Variants in KTN1 observed in about 807,000 individuals in gnomAD.
KTN1 encodes kinectin 1.
Under a neutral mutation model 222.5 loss-of-function variants are expected in KTN1, and 130 were observed. That is an observed-to-expected ratio of 0.58 (90% CI 0.51 to 0.68). KTN1 has a LOEUF of 0.68. Ranked by LOEUF, KTN1 falls within the 30% of genes least tolerant of loss-of-function variation. The pLI is 0.00. For synonymous variants in KTN1, 512 were observed against 496.3 expected, an observed-to-expected ratio of 1.03 and a Z score of -0.42; for missense variants, 1,508 against 1,500.4, an observed-to-expected ratio of 1.01 and a Z score of -0.08.
intron 5 of KTN1, among the ~76,000 whole-genome samples, chr14:55,626,647 T>A (rs2039866315): frequency 6.6e-6 from 1 of 152,222 alleles, no homozygotes; most frequent in South Asian, 2.1e-4. Context: ...GGTGTTTTTC[T>A]TGGATCATCT....
intron 1 of KTN1, among the ~76,000 whole-genome samples, chr14:55,591,581 C>CTTTTTTTTTT (rs71131297): frequency 2.3e-5 from 2 of 87,680 alleles, no homozygotes; most frequent in African/African-American, 8.9e-5. Flanking sequence ...TTCTCTCTTT[C>CTTTTTTTTTT]TTTTTTTTTT....
At chr14:55,651,398 T>A in intron 24 of KTN1, 1 of 454,142 alleles carries the variant, frequency 2.2e-6, no homozygotes, top group African/African-American at 2.0e-5. Context: ...TGTGTATGAT[T>A]AAGAAAAAAT....
intron 1 of KTN1, among the ~76,000 whole-genome samples, chr14:55,611,735 G>A (rs967511932): frequency 1.3e-5 from 2 of 152,098 alleles, no homozygotes; most frequent in Admixed American, 6.5e-5. Context: ...AGAAAGTAAT[G>A]AATATTTAAA....
intron 43 of KTN1, chr14:55,679,904 A>T: frequency 1.9e-6 from 1 of 516,536 alleles, no homozygotes. Flanking sequence ...GCCTCCTTTG[A>T]CCTTTGTATC....
chr14:55,630,205 A>C, intron 7 of KTN1, 108 bp downstream of exon 7: 1 of 978,458 alleles, frequency 1.0e-6, no homozygotes, highest in Non-Finnish European at 1.6e-6. Flanking sequence ...ATCAACATAC[A>C]GTGGCTAGTG....
chr14:55,680,840 T>C, intron 43 of KTN1: 1 of 576,434 alleles, frequency 1.7e-6, no homozygotes, highest in Non-Finnish European at 3.0e-6. Context: ...CTTTTATCCT[T>C]GGTAAGCTGA....
At chr14:55,661,657 T>G (rs374765892) in intron 32 of KTN1, 45 bp downstream of exon 32, 1 of 1,002,760 alleles carries the variant, frequency 1.0e-6, no homozygotes, top group African/African-American at 1.6e-5. Flanking sequence ...TTTATTACTT[T>G]AACACTGAAA....
Position 55,635,239 on chromosome 14 carries a change from C to T in KTN1, c.1461+581C>T, listed in dbSNP as rs2040987828. Reference sequence around the variant, plus strand: ...ATAGGCTTGAATTTGAAGTTAAAGACCGTTTGAAGATATGGTAAATGATGT... The same window carrying T: ...ATAGGCTTGAATTTGAAGTTAAAGATCGTTTGAAGATATGGTAAATGATGT... On this transcript the variant is annotated intron_variant, in intron 9 of 43. Coordinates refer to ENST00000395314, the MANE Select transcript of KTN1 (RefSeq NM_001079521.2). Among the ~76,000 whole-genome samples, 3 of 152,046 alleles carry T rather than the reference C, an allele frequency of 2.0e-5. No homozygotes were observed. The South Asian group carries it at 6.2e-4, about 32-fold the overall frequency.
intron 1 of KTN1, among the ~76,000 whole-genome samples, chr14:55,597,283 G>T (rs1210531506): frequency 1.3e-5 from 2 of 152,086 alleles, no homozygotes; most frequent in African/African-American, 4.8e-5. Flanking sequence ...AAGTCTTCAG[G>T]GAATGTTTTC....
Position 55,644,612 on chromosome 14 carries a change from A to G in KTN1, c.2173-2361A>G, listed in dbSNP as rs187888715. 2.6e-3 allele frequency among the ~76,000 whole-genome samples: 394 copies of G among 150,266 alleles called. 1 individual carries two copies. The highest frequency in any genetic ancestry group is 0.021 in the Middle Eastern group (6 of 286). ...GGGAGCACATTTTGACTTTTAGTGAAGGAGCAGCATGACATTCTTATTCCA... is the reference window on the plus strand; with the variant it reads ...GGGAGCACATTTTGACTTTTAGTGAGGGAGCAGCATGACATTCTTATTCCA... On this transcript the variant is annotated intron_variant, in intron 18 of 43. Coordinates refer to ENST00000395314, the MANE Select transcript of KTN1 (RefSeq NM_001079521.2).
chr14:55,631,058 A>G (rs1296479987), intron 7 of KTN1, among the ~76,000 whole-genome samples: 1 of 151,740 alleles, frequency 6.6e-6, no homozygotes, highest in African/African-American at 2.4e-5. Context: ...TCTTTTGTAT[A>G]TATTTTCCAT....
At chr14:55,659,525 T>C in intron 30 of KTN1, 141 bp from the exon 31 acceptor site, 2 of 636,592 alleles carry the variant, frequency 3.1e-6, no homozygotes, top group Non-Finnish European at 5.7e-6. Context: ...AATCACTTGA[T>C]TAAAGTCAGG....
intron 1 of KTN1, among the ~76,000 whole-genome samples, chr14:55,604,970 TTTTC>T (rs1171270690): frequency 6.6e-6 from 1 of 152,210 alleles, no homozygotes; most frequent in African/African-American, 2.4e-5. Flanking sequence ...ACTGCTGATC[TTTTC>T]TAGCTGGTCG....
intron 11 of KTN1, 67 bp from the exon 12 acceptor site, chr14:55,637,712 T>G: frequency 4.7e-6 from 5 of 1,072,270 alleles, no homozygotes; most frequent in Non-Finnish European, 7.0e-6. Context: ...CTATAATACA[T>G]TGTGTTCATA....
chr14:55,683,869 T>G, intron 43 of KTN1: 2 of 430,036 alleles, frequency 4.7e-6, no homozygotes, highest in East Asian at 7.2e-5. Context: ...TTAAATGTTT[T>G]CTAACAGAAT....
intron 1 of KTN1, among the ~76,000 whole-genome samples, chr14:55,581,540 G>A (rs191306209): frequency 1.7e-3 from 258 of 152,276 alleles, no homozygotes; most frequent in African/African-American, 5.8e-3. Flanking sequence ...GTGTGTGTGT[G>A]TGATGACTTT....
intron 1 of KTN1, among the ~76,000 whole-genome samples, chr14:55,593,818 C>T (rs2034571632): frequency 6.6e-6 from 1 of 151,618 alleles, no homozygotes; most frequent in African/African-American, 2.4e-5. Flanking sequence ...TTTTTCTCCC[C>T]TCTCCTCCCC....
rs373594226 is a variant in KTN1 at position 55,671,850 on chromosome 14, C to T, written c.3504C>T (p.Val1168=). 7.5e-6 allele frequency: 12 copies of T among 1,600,880 alleles called. No homozygotes were observed. The highest frequency in any genetic ancestry group is 3.3e-5 in the South Asian group (3 of 90,730). Residue 1168 remains valine, a synonymous_variant, in exon 37 of 44, where the codon GTC becomes GTT. Transcript: ENST00000395314. ...AAGAAAATAAATGGAAAGTTAAGGTCGATGAATCACACAAGACTATTAAAC... is the reference window on the plus strand; with the variant it reads ...AAGAAAATAAATGGAAAGTTAAGGTTGATGAATCACACAAGACTATTAAAC... ...EQEENKWKVK[V]DESHKTIKQM... is the part of the protein sequence containing the mutation.
At chr14:55,630,542 T>A (rs2040394283) in intron 7 of KTN1, among the ~76,000 whole-genome samples, 1 of 152,142 alleles carries the variant, frequency 6.6e-6, no homozygotes, top group African/African-American at 2.4e-5. Context: ...ACTGAGCTTT[T>A]TAATGAGTGC....
Sources: allele counts gnomAD v4.1 joint callset (sites outside exome capture counted in the v4.1 genomes callset), GRCh38; gene constraint gnomAD v4.1.1; transcripts MANE v1.5; gene names NCBI Gene and HGNC (gene_info 2026-07-23, HGNC 2026-07-21).